SEZ6L: variants seen among roughly 807,000 people sequenced by gnomAD.
The protein encoded by SEZ6L is seizure 6-like protein.
In SEZ6L, 37 loss-of-function variants were observed where a neutral mutation model predicts 106.2. The observed-to-expected ratio is 0.35, with a 90% CI of 0.27 to 0.46. The LOEUF (loss-of-function observed/expected upper bound fraction) is 0.46, where lower values mean the gene tolerates loss of function less well. Ranked by LOEUF, SEZ6L falls within the 20% of genes least tolerant of loss-of-function variation. SEZ6L has a pLI of 1.00. For missense variants in SEZ6L, 1,172 were observed against 1,332.8 expected, an observed-to-expected ratio of 0.88 and a Z score of 1.88; for synonymous variants, 541 against 570.4, an observed-to-expected ratio of 0.95 and a Z score of 0.73.
chr22:26,380,141 TGG>T (rs2084367597), intron 16 of SEZ6L, 123 bp from the exon 17 acceptor site: 1 of 784,024 alleles, frequency 1.3e-6, no homozygotes, highest in Admixed American at 2.0e-5. Flanking sequence ...AGGGTCAGAG[TGG>T]GAGGGCACTG....
At chr22:26,279,011 A>G (rs1383498051) in intron 1 of SEZ6L, among the ~76,000 whole-genome samples, 2 of 129,966 alleles carry the variant, frequency 1.5e-5, no homozygotes, top group Non-Finnish European at 3.5e-5. Flanking sequence ...GAAGGAAGGG[A>G]AGGAAGGAAA....
At chr22:26,262,665 G>C (rs888753363) in intron 1 of SEZ6L, among the ~76,000 whole-genome samples, 3 of 152,172 alleles carry the variant, frequency 2.0e-5, no homozygotes, top group African/African-American at 7.2e-5. Context: ...CCAGAGAGGT[G>C]ATATTTAAGC....
At position 26,377,656 on chromosome 22, in the gene SEZ6L, T is replaced by C. The variant is rs770271423; in HGVS notation, c.2943-17T>C. 2.5e-6 allele frequency: 4 copies of C among 1,591,732 alleles called. No individual in the cohort carries two copies. Among genetic ancestry groups the C allele is most frequent in the Non-Finnish European group, 3.4e-6 (4 of 1,159,830 alleles). ...TAGCTGGGGAGAAGTAACTTCTCTC[T>C]CCTTTCTTTCCCCCAGATGTCGCTA... On this transcript the variant is annotated splice_polypyrimidine_tract_variant and intron_variant, in intron 15 of 16. Transcript: ENST00000248933.
At chr22:26,338,710 C>T (rs1412563501) in intron 9 of SEZ6L, among the ~76,000 whole-genome samples, 1 of 152,142 alleles carries the variant, frequency 6.6e-6, no homozygotes, top group African/African-American at 2.4e-5. Context: ...CAGGCATCTG[C>T]CACCACGCCC....
intron 1 of SEZ6L, among the ~76,000 whole-genome samples, chr22:26,235,271 A>C (rs2078924402): frequency 6.6e-6 from 1 of 152,180 alleles, no homozygotes; most frequent in African/African-American, 2.4e-5. Flanking sequence ...CACCTCCTCC[A>C]TATCCCCAAG....
At chr22:26,266,047 C>T (rs1248394995) in intron 1 of SEZ6L, among the ~76,000 whole-genome samples, 2 of 152,130 alleles carry the variant, frequency 1.3e-5, no homozygotes, top group Non-Finnish European at 2.9e-5. Context: ...CTGTGTGCAT[C>T]CTGTCAAGCT....
intron 1 of SEZ6L, among the ~76,000 whole-genome samples, chr22:26,252,033 G>C (rs1189623871): frequency 6.6e-6 from 1 of 152,086 alleles, no homozygotes; most frequent in Non-Finnish European, 1.5e-5. Flanking sequence ...GAGCAGCGGC[G>C]GCAGCAGCAG....
intron 11 of SEZ6L, among the ~76,000 whole-genome samples, chr22:26,348,710 G>GAAA (rs1569473878): frequency 4.0e-5 from 3 of 74,504 alleles, no homozygotes; most frequent in African/African-American, 1.8e-4. Flanking sequence ...AAGAAGGCAA[G>GAAA]GGAGGGAAGG....
chr22:26,311,204 G>C (rs1463818833), intron 7 of SEZ6L, among the ~76,000 whole-genome samples: 1 of 152,178 alleles, frequency 6.6e-6, no homozygotes, highest in Non-Finnish European at 1.5e-5. Context: ...CAAGGGTGGA[G>C]TTAAGATTTC....
chr22:26,382,031 GAACT>G lies in SEZ6L; in HGVS notation c.*1737_*1740del, dbSNP rs2084424112. On this transcript the variant is annotated 3_prime_UTR_variant, in exon 17 of 17. Coordinates refer to ENST00000248933, the MANE Select transcript of SEZ6L (RefSeq NM_021115.5). Reference sequence around the variant, plus strand: ...ACACATGTACCCTCCTTGACAGCAGGAACTCAGACTTCAATCTTGGGGGTCTAAG... The same window carrying G: ...ACACATGTACCCTCCTTGACAGCAGGCAGACTTCAATCTTGGGGGTCTAAG... 1.9e-6 allele frequency: 1 copy of G among 518,660 alleles called. No homozygotes were observed. Among genetic ancestry groups the G allele is most frequent in the Non-Finnish European group, 3.8e-6 (1 of 259,760 alleles). 32.1% of individuals were successfully genotyped at this position (518,660 alleles called of 1,614,324 possible). A position where few individuals can be genotyped will look rare whatever the true frequency, so the allele number is the denominator to read the frequency against.
rs6004973 is a variant in SEZ6L, at chr22:26,245,173, C to A, written c.95-47233C>A. Among the ~76,000 whole-genome samples the A allele has an allele frequency of 2.8e-4, 43 of 152,214 alleles. 2 individuals carry two copies. The highest frequency in any genetic ancestry group is 9.4e-4 in the African/African-American group (39 of 41,518). Reference sequence around the variant, plus strand: ...GCATCAGGGGAGGGAGAACAGGCTGCAGGTCTGAGAAGGGATGAAGGGTTT... The same window carrying A: ...GCATCAGGGGAGGGAGAACAGGCTGAAGGTCTGAGAAGGGATGAAGGGTTT... On this transcript the variant is annotated intron_variant, in intron 1 of 16. Transcript: ENST00000248933.
intron 1 of SEZ6L, among the ~76,000 whole-genome samples, chr22:26,209,726 A>G (rs2078093070): frequency 6.9e-6 from 1 of 145,764 alleles, no homozygotes; most frequent in Admixed American, 6.9e-5. Flanking sequence ...GAAGGGGAGG[A>G]AGGAAGGAGA....
chr22:26,273,472 C>A (rs1482228570), intron 1 of SEZ6L, among the ~76,000 whole-genome samples: 2 of 152,268 alleles, frequency 1.3e-5, no homozygotes, highest in African/African-American at 4.8e-5. Flanking sequence ...GCCGCCTCGG[C>A]CTCAGGCCCA....
intron 1 of SEZ6L, among the ~76,000 whole-genome samples, chr22:26,172,621 G>T (rs932824763): frequency 2.0e-5 from 3 of 152,216 alleles, no homozygotes; most frequent in Non-Finnish European, 4.4e-5. Flanking sequence ...GGGCAGAAGA[G>T]AGGGGAATTC....
intron 1 of SEZ6L, among the ~76,000 whole-genome samples, chr22:26,190,352 G>A (rs1354436870): frequency 6.6e-6 from 1 of 151,972 alleles, no homozygotes; most frequent in Non-Finnish European, 1.5e-5. Context: ...TGCACTTGAT[G>A]GGAGCAAAGA....
intron 13 of SEZ6L, among the ~76,000 whole-genome samples, chr22:26,367,797 T>TA (rs2083872463): frequency 6.6e-6 from 1 of 152,158 alleles, no homozygotes; most frequent in African/African-American, 2.4e-5. Context: ...CTAATACTCT[T>TA]AACGCCCCCA....
At position 26,312,402 on chromosome 22, in the gene SEZ6L, A is replaced by C. The variant is rs371180424; in HGVS notation, c.1876+440A>C. On this transcript the variant is annotated intron_variant, in intron 8 of 16. Transcript: ENST00000248933. ...ATTTCAACCTCACCATAGCCTTATAAAGTAGATTGTATCGGCCCCATTTGT... is the reference window on the plus strand; with the variant it reads ...ATTTCAACCTCACCATAGCCTTATACAGTAGATTGTATCGGCCCCATTTGT... Among the ~76,000 whole-genome samples, 16 of 152,302 alleles carry C rather than the reference A, an allele frequency of 1.1e-4. No homozygotes were observed. In the East Asian group the frequency reaches 2.7e-3, roughly 26 times the overall value.
chr22:26,294,710 G>A (rs571775622), intron 3 of SEZ6L, among the ~76,000 whole-genome samples: 311 of 128,656 alleles, frequency 2.4e-3, no homozygotes, highest in African/African-American at 8.9e-3. Flanking sequence ...ACACACGCAT[G>A]CACGTGCATA....
chr22:26,300,081 T>C (rs1157021049), intron 5 of SEZ6L, among the ~76,000 whole-genome samples: 1 of 152,242 alleles, frequency 6.6e-6, no homozygotes, highest in African/African-American at 2.4e-5. Flanking sequence ...ATTAATGATG[T>C]CAAGCATCTT....
Sources: allele counts gnomAD v4.1 joint callset (sites outside exome capture counted in the v4.1 genomes callset), GRCh38; gene constraint gnomAD v4.1.1; transcripts MANE v1.5; gene names NCBI Gene and HGNC (gene_info 2026-07-23, HGNC 2026-07-21).